The following PHTF2 variants were observed in gnomAD, a reference collection of about 807,000 sequenced individuals.
PHTF2 encodes the protein putative homeodomain transcription factor 2, also known as protein PHTF2.
Under a neutral mutation model 101.2 loss-of-function variants are expected in PHTF2, and 60 were observed. The observed-to-expected ratio is 0.59, with a 90% CI of 0.48 to 0.73. The LOEUF is 0.73. Ranked by LOEUF, PHTF2 falls within the 30% of genes least tolerant of loss-of-function variation. The pLI is 0.00. For missense variants in PHTF2, 747 were observed against 908.7 expected (o/e 0.82, Z 2.29); for synonymous variants, 311 against 307.3 (o/e 1.01, Z -0.13).
chr7:77,818,499 T>C (rs1022960830), intron 1 of PHTF2, among the ~76,000 whole-genome samples: 5 of 152,222 alleles, frequency 3.3e-5, no homozygotes, highest in African/African-American at 9.6e-5. Flanking sequence ...GAAGTATTTA[T>C]TGAAGAGGCT....
At chr7:77,841,625 A>G (rs1351085746) in intron 2 of PHTF2, among the ~76,000 whole-genome samples, 1 of 152,028 alleles carries the variant, frequency 6.6e-6, no homozygotes, top group Admixed American at 6.5e-5. Context: ...CTGTTTTTAG[A>G]TGTGTTATTT....
At chr7:77,823,194 G>T (rs890483120) in intron 1 of PHTF2, among the ~76,000 whole-genome samples, 1 of 150,732 alleles carries the variant, frequency 6.6e-6, no homozygotes, top group East Asian at 2.0e-4. Flanking sequence ...GTGAGCCACC[G>T]CGCCCGGCCA....
At chr7:77,953,795 T>C (rs765326596) in exon 19 of PHTF2, 3 of 1,613,320 alleles carry the variant, frequency 1.9e-6, no homozygotes, top group Non-Finnish European at 2.5e-6. Context: ...TTAGATTATA[T>C]GGGCTTACAA....
intron 10 of PHTF2, among the ~76,000 whole-genome samples, chr7:77,921,801 C>T (rs1397788246): frequency 4.6e-5 from 7 of 152,060 alleles, no homozygotes; most frequent in Non-Finnish European, 1.0e-4. Context: ...TTCGTAATTT[C>T]TAAACTCTGG....
chr7:77,828,907 C>T (rs910482449), intron 1 of PHTF2, among the ~76,000 whole-genome samples: 4 of 152,068 alleles, frequency 2.6e-5, no homozygotes, highest in Non-Finnish European at 2.9e-5. Context: ...GTCGTGGTGA[C>T]TCACACCTAT....
At chr7:77,817,431 A>T (rs2150506815) in intron 1 of PHTF2, among the ~76,000 whole-genome samples, 1 of 152,304 alleles carries the variant, frequency 6.6e-6, no homozygotes, top group East Asian at 1.9e-4. Flanking sequence ...GCATCAGGAA[A>T]CTTAAAATCA....
intron 1 of PHTF2, among the ~76,000 whole-genome samples, chr7:77,835,945 C>T (rs755612644): frequency 8.6e-5 from 13 of 151,730 alleles, no homozygotes; most frequent in Non-Finnish European, 1.5e-4. Context: ...CATGGAGAAA[C>T]CCTGTCTCTA....
chr7:77,863,787 GTTT>G (rs368245678), intron 3 of PHTF2, among the ~76,000 whole-genome samples: 2 of 132,176 alleles, frequency 1.5e-5, no homozygotes, highest in African/African-American at 2.8e-5. Flanking sequence ...GTTTTGTTTT[GTTT>G]TTTTTTTTTT....
chr7:77,884,246 C>T (rs1799636399), intron 3 of PHTF2, among the ~76,000 whole-genome samples: 1 of 152,244 alleles, frequency 6.6e-6, no homozygotes. Context: ...AGAAAATTTT[C>T]AGTAGCTTTT....
intron 10 of PHTF2, among the ~76,000 whole-genome samples, chr7:77,921,241 TG>T: frequency 6.6e-6 from 1 of 152,370 alleles, no homozygotes; most frequent in Middle Eastern, 3.4e-3. Flanking sequence ...AAAATCTTAC[TG>T]GGGACATATT....
At chr7:77,818,110 CAA>C (rs776568833) in intron 1 of PHTF2, among the ~76,000 whole-genome samples, 7 of 90,612 alleles carry the variant, frequency 7.7e-5, no homozygotes, top group Admixed American at 1.2e-4. Context: ...AACTCCGTCT[CAA>C]AAAAAAAAAA....
intron 2 of PHTF2, among the ~76,000 whole-genome samples, chr7:77,842,394 G>T (rs1301156970): frequency 6.6e-6 from 1 of 152,106 alleles, no homozygotes; most frequent in African/African-American, 2.4e-5. Context: ...AGTAGAGACG[G>T]GGTTTTGCCA....
chr7:77,854,864 T>A (rs372869507), intron 3 of PHTF2: 26 of 748,688 alleles, frequency 3.5e-5, no homozygotes, highest in Non-Finnish European at 6.1e-5. Flanking sequence ...TTCTCTCTGT[T>A]CAGGGCAGCA....
intron 3 of PHTF2, among the ~76,000 whole-genome samples, chr7:77,890,904 C>CT (rs11442975): frequency 0.14 from 13,417 of 92,854 alleles, 1,852 homozygotes; most frequent in African/African-American, 0.25. Context: ...CGCACCCGGC[C>CT]TTTTTTTTTT....
intron 5 of PHTF2, among the ~76,000 whole-genome samples, chr7:77,899,034 T>C (rs1801136631): frequency 6.6e-6 from 1 of 152,136 alleles, no homozygotes; most frequent in Non-Finnish European, 1.5e-5. Flanking sequence ...ACTCCTGGCC[T>C]CAAGTGATCC....
chr7:77,955,991 C>A (rs1042471451), exon 20 of PHTF2: 2 of 152,560 alleles, frequency 1.3e-5, no homozygotes, highest in African/African-American at 4.8e-5. Context: ...TTAACCTCCC[C>A]AACAAATAAT....
chr7:77,875,665 C>T (rs1020253172), intron 3 of PHTF2, among the ~76,000 whole-genome samples: 2 of 152,096 alleles, frequency 1.3e-5, no homozygotes, highest in African/African-American at 2.4e-5. Context: ...TCACACCATT[C>T]TCCTGCCTCA....
intron 1 of PHTF2, among the ~76,000 whole-genome samples, chr7:77,831,691 GT>G (rs1245782174): frequency 6.6e-6 from 1 of 152,218 alleles, no homozygotes; most frequent in African/African-American, 2.4e-5. Context: ...GTAATTTTGT[GT>G]TGGTATATGC....
chr7:77,819,471 T>C (rs1381577574), intron 1 of PHTF2, among the ~76,000 whole-genome samples: 1 of 152,248 alleles, frequency 6.6e-6, no homozygotes, highest in East Asian at 1.9e-4. Context: ...AAATGCTTTT[T>C]CTGTATCTAT....
Sources: gnomAD v4.1 joint callset for allele counts (sites outside exome capture counted in the v4.1 genomes callset) on GRCh38, gnomAD v4.1.1 for gene constraint, MANE v1.5 for transcripts, NCBI Gene and HGNC (gene_info 2026-07-23, HGNC 2026-07-21) for gene names.